The following ZNF75D variants were observed in gnomAD, a reference collection of about 807,000 sequenced individuals.
The protein encoded by ZNF75D is zinc finger protein 75.
A neutral mutation model predicts 33.3 loss-of-function variants in ZNF75D; 33 were observed. The ratio of observed to expected loss-of-function variants is 0.99; its 90% CI spans 0.75 to 1.32. The LOEUF (loss-of-function observed/expected upper bound fraction) is 1.32, where lower values mean the gene tolerates loss of function less well. ZNF75D is among the 40% of genes most tolerant of loss of function. ZNF75D has a pLI of 0.00. For missense variants in ZNF75D, 338 were observed against 367.5 expected, an observed-to-expected ratio of 0.92 and a Z score of 0.66; for synonymous variants, 113 against 130.6, an observed-to-expected ratio of 0.87 and a Z score of 0.92.
chrX:135,338,125 C>T (rs782530014), intron 1 of ZNF75D, among the ~76,000 whole-genome samples: 20 of 111,106 alleles, frequency 1.8e-4, no homozygotes, highest in African/African-American at 6.2e-4. Context: ...AACAGTTATT[C>T]CAGTTGGGGG....
chrX:135,258,721 A>C (rs1157683961), intron 1 of ZNF75D, among the ~76,000 whole-genome samples: 1 of 111,848 alleles, frequency 8.9e-6, no homozygotes, highest in Non-Finnish European at 1.9e-5. Context: ...GTAGATTGCA[A>C]AAATTTTCTC....
intron 1 of ZNF75D, among the ~76,000 whole-genome samples, chrX:135,333,408 G>A (rs2084674394): frequency 9.0e-6 from 1 of 111,624 alleles, no homozygotes; most frequent in Admixed American, 9.5e-5. Context: ...AAGTACCTGA[G>A]GAACAGAGCA....
chrX:135,311,373 C>T (rs1199638417), intron 1 of ZNF75D, among the ~76,000 whole-genome samples: 23 of 112,089 alleles, frequency 2.1e-4, no homozygotes, highest in African/African-American at 6.5e-4. Flanking sequence ...GGTGTAGACT[C>T]TAACCCACAG....
chrX:135,263,015 C>T (rs2083848956), intron 1 of ZNF75D, among the ~76,000 whole-genome samples: 1 of 112,650 alleles, frequency 8.9e-6, no homozygotes, highest in African/African-American at 3.2e-5. Flanking sequence ...GTTGCTTTTC[C>T]TTTCTGTTTG....
chrX:135,270,537 T>C (rs1052180846), intron 1 of ZNF75D, among the ~76,000 whole-genome samples: 1 of 109,341 alleles, frequency 9.1e-6, no homozygotes, highest in Non-Finnish European at 1.9e-5. Flanking sequence ...GGTGGATGTG[T>C]ACCCGGTGAA....
At position 135,341,968 on chromosome X, in the gene ZNF75D, C is replaced by G. The variant is rs1556444953; in HGVS notation, c.-591G>C. The G allele has an allele frequency of 8.9e-6, 1 of 112,295 alleles. No homozygotes were observed. The highest frequency in any genetic ancestry group is 1.9e-5 in the Non-Finnish European group (1 of 53,276). 9.3% of individuals were successfully genotyped at this position (112,295 alleles called of 1,213,427 possible). A position where few individuals can be genotyped will look rare whatever the true frequency, so the allele number is the denominator to read the frequency against. On this transcript the variant is annotated 5_prime_UTR_variant, in exon 1 of 7. Transcript: ENST00000370766. ...TTTTCTCAATAACTGTTAGTAAAGACCACCAGAAGCAATTTACTTTCAGCT... is the reference window on the plus strand; with the variant it reads ...TTTTCTCAATAACTGTTAGTAAAGAGCACCAGAAGCAATTTACTTTCAGCT...
At chrX:135,304,338 A>G (rs2084258128) in intron 1 of ZNF75D, among the ~76,000 whole-genome samples, 1 of 111,793 alleles carries the variant, frequency 8.9e-6, no homozygotes, top group African/African-American at 3.3e-5. Context: ...TTCCATAGAG[A>G]ATATAATGAT....
At chrX:135,292,849 T>C (rs56390901) in intron 3 of ZNF75D, among the ~76,000 whole-genome samples, 23,500 of 111,336 alleles carry the variant, frequency 0.21, 2,048 homozygotes, top group Middle Eastern at 0.37. Context: ...TTTTATCTTT[T>C]GGTTTTCTGT....
intron 1 of ZNF75D, among the ~76,000 whole-genome samples, chrX:135,264,100 T>G (rs1249278693): frequency 2.7e-5 from 3 of 111,650 alleles, no homozygotes; most frequent in Non-Finnish European, 5.6e-5. Flanking sequence ...AAAAGAGGAT[T>G]AATTGACTCA....
At chrX:135,253,508 G>A (rs1390577419) in intron 2 of ZNF75D, 1 of 293,044 alleles carries the variant, frequency 3.4e-6, no homozygotes, top group East Asian at 4.8e-5. Context: ...TGGCTTACGT[G>A]CTGAAGCCTG....
At chrX:135,258,353 TC>T (rs1556414822) in intron 1 of ZNF75D, among the ~76,000 whole-genome samples, 2 of 110,579 alleles carry the variant, frequency 1.8e-5, no homozygotes, top group Admixed American at 1.9e-4. Flanking sequence ...TAGTTCTAGA[TC>T]CTTGAGGAAT....
intron 1 of ZNF75D, among the ~76,000 whole-genome samples, chrX:135,321,794 A>G (rs903263566): frequency 3.6e-5 from 4 of 112,014 alleles, no homozygotes; most frequent in Non-Finnish European, 7.5e-5. Context: ...GAAAAATTTT[A>G]GTTATAATAG....
chrX:135,325,453 G>C (rs1427495630), intron 1 of ZNF75D, among the ~76,000 whole-genome samples: 1 of 111,357 alleles, frequency 9.0e-6, no homozygotes, highest in African/African-American at 3.3e-5. Flanking sequence ...GGGAGGCGTG[G>C]AGGGAGAGGT....
intron 1 of ZNF75D, among the ~76,000 whole-genome samples, chrX:135,340,087 C>A (rs1231497818): frequency 8.9e-6 from 1 of 112,393 alleles, no homozygotes; most frequent in East Asian, 2.8e-4. Context: ...AAGCGTTATT[C>A]TTTCTTTTCA....
chrX:135,249,198 C>T, exon 4 of ZNF75D: 1 of 321,692 alleles, frequency 3.1e-6, no homozygotes, highest in Non-Finnish European at 6.0e-6. Flanking sequence ...CCACCTTCCT[C>T]CTGATGCTCC....
intron 1 of ZNF75D, among the ~76,000 whole-genome samples, chrX:135,267,800 A>G (rs1306372635): frequency 5.1e-5 from 5 of 98,686 alleles, no homozygotes; most frequent in Non-Finnish European, 1.1e-4. Flanking sequence ...CTAGACAAAG[A>G]TACACCAAAA....
At chrX:135,268,326 GT>G (rs1226990770) in intron 1 of ZNF75D, among the ~76,000 whole-genome samples, 1 of 106,805 alleles carries the variant, frequency 9.4e-6, no homozygotes, top group Admixed American at 1.0e-4. Flanking sequence ...AATCATACTT[GT>G]TTGCAGATAA....
At chrX:135,315,915 C>CT (rs1322215970) in intron 1 of ZNF75D, among the ~76,000 whole-genome samples, 1 of 111,309 alleles carries the variant, frequency 9.0e-6, no homozygotes, top group Non-Finnish European at 1.9e-5. Context: ...GAAATTAATC[C>CT]TTTTATATTC....
intron 1 of ZNF75D, among the ~76,000 whole-genome samples, chrX:135,275,454 T>A (rs921780230): frequency 2.7e-5 from 3 of 111,720 alleles, no homozygotes; most frequent in South Asian, 3.7e-4. Context: ...GTTATTATTT[T>A]GTCTATCAGG....
Sources: gnomAD v4.1 joint callset for allele counts (sites outside exome capture counted in the v4.1 genomes callset) on GRCh38, gnomAD v4.1.1 for gene constraint, MANE v1.5 for transcripts, NCBI Gene and HGNC (gene_info 2026-07-23, HGNC 2026-07-21) for gene names.